The following CACNA1C variants were observed in gnomAD, a reference collection of about 807,000 sequenced individuals.
The protein encoded by CACNA1C is voltage-dependent L-type calcium channel subunit alpha-1C.
CACNA1C carries 30 observed loss-of-function variants against 229.0 expected under a neutral mutation model. The observed-to-expected ratio is 0.13, with a 90% confidence interval of 0.10 to 0.18. CACNA1C has a LOEUF of 0.18. Ranked by LOEUF, CACNA1C falls within the 10% of genes least tolerant of loss-of-function variation. The probability of loss-of-function intolerance (pLI) is 1.00; values close to 1 mark genes in which losing one functional copy is unlikely to be tolerated. For synonymous variants in CACNA1C, 1,114 were observed against 1,132.5 expected, an observed-to-expected ratio of 0.98 and a Z score of 0.33; for missense variants, 1,658 against 2,845.0, an observed-to-expected ratio of 0.58 and a Z score of 9.49.
At chr12:2,179,423 G>A (rs1312368931) in intron 3 of CACNA1C, among the ~76,000 whole-genome samples, 2 of 152,224 alleles carry the variant, frequency 1.3e-5, no homozygotes, top group African/African-American at 4.8e-5. Flanking sequence ...ACCTGTTAGT[G>A]GAGTTAGCAC....
At chr12:1,997,898 G>C in intron 1 of CACNA1C, 1 of 1,527,024 alleles carries the variant, frequency 6.5e-7, no homozygotes, top group Non-Finnish European at 9.0e-7. Flanking sequence ...ATATTATTTT[G>C]AAGATTAGTT....
intron 1 of CACNA1C, among the ~76,000 whole-genome samples, chr12:2,096,081 G>A (rs960561903): frequency 6.6e-6 from 1 of 152,150 alleles, no homozygotes; most frequent in African/African-American, 2.4e-5. Context: ...TGCCCAGAGT[G>A]GAGCTTTTGG....
rs1412337986 is a variant in CACNA1C at position 2,215,261 on chromosome 12, C to T, written c.477+94831C>T. ...CAGTGGGGCTTCAGTCTTCATTTTC[C>T]TTGTCCTTTGCACTTCCTCATCATT... On this transcript the variant is annotated intron_variant, in intron 3 of 46. Coordinates refer to ENST00000399655, the MANE Select transcript of CACNA1C (RefSeq NM_000719.7). The surrounding 1 kb of genome is among the most constrained non-coding windows in gnomAD (Gnocchi z 5.0). 6.6e-6 allele frequency among the ~76,000 whole-genome samples: 1 copy of T among 152,162 alleles called. No homozygotes were observed. The highest frequency in any genetic ancestry group is 6.5e-5 in the Admixed American group (1 of 15,286).
intron 4 of CACNA1C, among the ~76,000 whole-genome samples, chr12:2,454,199 T>C (rs751017020): frequency 2.0e-5 from 3 of 152,218 alleles, no homozygotes; most frequent in Non-Finnish European, 2.9e-5. Flanking sequence ...TGGTTCGCTC[T>C]ACTTCACTCC....
intron 22 of CACNA1C, 136 bp from the exon 23 acceptor site, chr12:2,604,945 G>A (rs1340187254): frequency 9.9e-6 from 7 of 708,588 alleles, no homozygotes; most frequent in South Asian, 3.0e-5. Flanking sequence ...CCCAGAATGC[G>A]AACATCCCCA....
At chr12:2,090,751 T>C (rs1198873777) in intron 1 of CACNA1C, among the ~76,000 whole-genome samples, 1 of 152,258 alleles carries the variant, frequency 6.6e-6, no homozygotes, top group Non-Finnish European at 1.5e-5. Context: ...TTTGGATACA[T>C]ATCCAGAAGT....
Position 2,364,840 on chromosome 12 carries a change from C to G in CACNA1C, c.478-84136C>G, listed in dbSNP as rs188048649. Reference sequence around the variant, plus strand: ...ACCTCAGGAAGCACAAAGAAGAGAACGATCTTGTGATTCCAGGAGAGTCTC... The same window carrying G: ...ACCTCAGGAAGCACAAAGAAGAGAAGGATCTTGTGATTCCAGGAGAGTCTC... On this transcript the variant is annotated intron_variant, in intron 3 of 46. Coordinates refer to ENST00000399655, the MANE Select transcript of CACNA1C (RefSeq NM_000719.7). 6.2e-3 allele frequency among the ~76,000 whole-genome samples: 947 copies of G among 152,242 alleles called. 6 individuals carry two copies. The highest frequency in any genetic ancestry group is 0.022 in the African/African-American group (903 of 41,528).
chr12:2,301,296 G>T (rs2094541152), intron 3 of CACNA1C, among the ~76,000 whole-genome samples: 1 of 152,194 alleles, frequency 6.6e-6, no homozygotes, highest in Non-Finnish European at 1.5e-5. Flanking sequence ...CTCCGTATCT[G>T]TGGGTCTTAA....
intron 22 of CACNA1C, among the ~76,000 whole-genome samples, chr12:2,604,416 G>A (rs1048556109): frequency 9.9e-5 from 15 of 152,116 alleles, no homozygotes; most frequent in African/African-American, 2.9e-4. Context: ...TGGGTTTTAT[G>A]TTTAGGTGTC....
At chr12:2,434,063 A>G (rs916444403) in intron 3 of CACNA1C, among the ~76,000 whole-genome samples, 25 of 152,224 alleles carry the variant, frequency 1.6e-4, no homozygotes, top group Admixed American at 4.6e-4. Flanking sequence ...AAGGGCTCCA[A>G]TGGTCCCGGG....
intron 7 of CACNA1C, among the ~76,000 whole-genome samples, chr12:2,499,946 C>T (rs562421889): frequency 6.6e-6 from 1 of 152,166 alleles, no homozygotes; most frequent in Non-Finnish European, 1.5e-5. Flanking sequence ...AGCTGTCCCC[C>T]CAAAGTAGGT....
intron 3 of CACNA1C, among the ~76,000 whole-genome samples, chr12:2,371,724 CTT>C (rs61627008): frequency 0.31 from 39,811 of 128,528 alleles, 7,056 homozygotes; most frequent in Non-Finnish European, 0.38. Context: ...TGACATATGG[CTT>C]TTTTTTTTTT....
chr12:2,567,070 G>A (rs2051415154), intron 12 of CACNA1C, among the ~76,000 whole-genome samples: 1 of 152,214 alleles, frequency 6.6e-6, no homozygotes, highest in African/African-American at 2.4e-5. Flanking sequence ...TGGGCCCCTA[G>A]ACGAGGGTCC....
chr12:2,509,949 C>T (rs2099779970), intron 8 of CACNA1C, among the ~76,000 whole-genome samples: 1 of 152,160 alleles, frequency 6.6e-6, no homozygotes, highest in African/African-American at 2.4e-5. Flanking sequence ...ATGTGGGATC[C>T]ACAAATAAGG....
chr12:2,333,298 T>G (rs1011515466), intron 3 of CACNA1C, among the ~76,000 whole-genome samples: 7 of 152,094 alleles, frequency 4.6e-5, no homozygotes, highest in African/African-American at 1.2e-4. Context: ...CCAGGTGAGA[T>G]TGGGAGACTC....
intron 5 of CACNA1C, among the ~76,000 whole-genome samples, chr12:2,464,892 A>G (rs1415327111): frequency 6.6e-6 from 1 of 152,174 alleles, no homozygotes; most frequent in East Asian, 1.9e-4. Flanking sequence ...ATATCTGTGG[A>G]GTGGATACCA....
intron 29 of CACNA1C, among the ~76,000 whole-genome samples, chr12:2,634,063 C>T (rs2091794859): frequency 6.6e-6 from 1 of 152,236 alleles, no homozygotes; most frequent in Non-Finnish European, 1.5e-5. Flanking sequence ...TGTCAGGCCT[C>T]TGCACCCTGC....
At chr12:2,113,716 C>A (rs2238033) in intron 1 of CACNA1C, among the ~76,000 whole-genome samples, 1 of 152,012 alleles carries the variant, frequency 6.6e-6, no homozygotes, top group Non-Finnish European at 1.5e-5. Context: ...ACTAGCGGTA[C>A]CACGTCTCAA....
At chr12:2,409,898 A>G (rs1219687601) in intron 3 of CACNA1C, among the ~76,000 whole-genome samples, 5 of 152,244 alleles carry the variant, frequency 3.3e-5, no homozygotes, top group Middle Eastern at 3.4e-3. Context: ...GTCAGGGAGG[A>G]GAGGGAAGTA....
Sources: gnomAD v4.1 joint callset for allele counts (sites outside exome capture counted in the v4.1 genomes callset) on GRCh38, gnomAD v4.1.1 for gene constraint, Gnocchi (gnomAD v3.1) non-coding constraint, MANE v1.5 for transcripts, NCBI Gene and HGNC (gene_info 2026-07-23, HGNC 2026-07-21) for gene names.